The following SDK1 variants were observed in gnomAD, a reference collection of about 807,000 sequenced individuals.
The protein encoded by SDK1 is sidekick cell adhesion molecule 1, also known as protein sidekick-1.
A neutral mutation model predicts 245.5 loss-of-function variants in SDK1; 157 were observed. The observed-to-expected ratio is 0.64, with a 90% CI of 0.56 to 0.73. The LOEUF is 0.73. SDK1 is among the 30% of genes least tolerant of loss of function. The probability of loss-of-function intolerance (pLI) is 0.00; values close to 1 mark genes in which losing one functional copy is unlikely to be tolerated. For missense variants in SDK1, 3,583 were observed against 3,002.3 expected (o/e 1.19, Z -4.52); for synonymous variants, 1,647 against 1,278.5 (o/e 1.29, Z -6.15).
chr7:3,411,860 T>TA (rs1779217993), intron 1 of SDK1, among the ~76,000 whole-genome samples: 1 of 152,158 alleles, frequency 6.6e-6, no homozygotes, highest in Non-Finnish European at 1.5e-5. Flanking sequence ...GTTCACTAGG[T>TA]ATGAACCCAT....
At chr7:3,544,680 A>T (rs73303089) in intron 1 of SDK1, among the ~76,000 whole-genome samples, 2,188 of 152,316 alleles carry the variant, frequency 0.014, 41 homozygotes, top group African/African-American at 0.042. Context: ...CATTCTGAAA[A>T]CATCAGGAAA....
At chr7:4,147,973 C>A (rs1473646323) in intron 29 of SDK1, among the ~76,000 whole-genome samples, 1 of 152,062 alleles carries the variant, frequency 6.6e-6, no homozygotes, top group Non-Finnish European at 1.5e-5. Context: ...ACAGCCCCGC[C>A]CCACAGTCCC....
At chr7:3,899,303 C>A (rs975937927) in intron 5 of SDK1, among the ~76,000 whole-genome samples, 1 of 152,146 alleles carries the variant, frequency 6.6e-6, no homozygotes, top group African/African-American at 2.4e-5. Context: ...CTGTCCTTGC[C>A]CCTCCTTGGC....
At chr7:3,482,369 C>A (rs1163178075) in intron 1 of SDK1, among the ~76,000 whole-genome samples, 1 of 152,042 alleles carries the variant, frequency 6.6e-6, no homozygotes, top group Non-Finnish European at 1.5e-5. Context: ...ACTCAAGGGC[C>A]GGGAGTGTCT....
rs578196376 is a variant in SDK1, at chr7:4,222,792, A to G, written c.5827+1428A>G. Among the ~76,000 whole-genome samples the G allele has an allele frequency of 2.0e-5, 3 of 152,296 alleles. 1 individual carries two copies. Among genetic ancestry groups the G allele is most frequent in the African/African-American group, 7.2e-5 (3 of 41,560 alleles). Reference sequence around the variant, plus strand: ...AGTTGGTAAAGGATGTGAGTTTGGCAGGGGCCTCCTGTGGTCACTGCCTGT... The same window carrying G: ...AGTTGGTAAAGGATGTGAGTTTGGCGGGGGCCTCCTGTGGTCACTGCCTGT... On this transcript the variant is annotated intron_variant, in intron 40 of 44. Coordinates refer to ENST00000404826, the MANE Select transcript of SDK1 (RefSeq NM_152744.4).
intron 4 of SDK1, among the ~76,000 whole-genome samples, chr7:3,782,546 A>G (rs748032078): frequency 2.6e-5 from 4 of 152,190 alleles, no homozygotes; most frequent in Non-Finnish European, 4.4e-5. Context: ...ATCAAAGACA[A>G]AAATTCCGAG....
chr7:3,608,999 C>T (rs1374576719), intron 1 of SDK1, among the ~76,000 whole-genome samples: 2 of 151,966 alleles, frequency 1.3e-5, no homozygotes, highest in Admixed American at 6.6e-5. Flanking sequence ...ATCTAGTTGT[C>T]CTTTATTAAG....
chr7:4,221,708 A>G lies in SDK1; in HGVS notation c.5827+344A>G, dbSNP rs113615842. Among the ~76,000 whole-genome samples, 146 of 152,320 alleles carry G rather than the reference A, an allele frequency of 9.6e-4. 2 individuals are homozygous for G. Among genetic ancestry groups the G allele is most frequent in the African/African-American group, 3.4e-3 (141 of 41,566 alleles). ...CATCCATGAATGTTTTCAGGGACTC[A>G]TGTCAGGGTTCTAAATGTTTGCTGC... On this transcript the variant is annotated intron_variant, in intron 40 of 44. Coordinates refer to ENST00000404826, the MANE Select transcript of SDK1 (RefSeq NM_152744.4).
At position 4,067,827 on chromosome 7, in the gene SDK1, T is replaced by G. The variant is rs1562758988; in HGVS notation, c.2912-11T>G. On this transcript the variant is annotated splice_polypyrimidine_tract_variant and intron_variant, in intron 19 of 44. Transcript: ENST00000404826. ...ATTGTGTTAACAGATGACTTTGCTT[T>G]TAATTGGTAGAACCAGGAGCTGTGG... is the stretch of plus-strand genomic sequence containing the variant. The G allele has an allele frequency of 6.2e-7, 1 of 1,606,290 alleles. No homozygotes were observed. The highest frequency in any genetic ancestry group is 1.7e-5 in the Admixed American group (1 of 59,342).
At chr7:3,818,707 A>G (rs540824241) in intron 4 of SDK1, among the ~76,000 whole-genome samples, 16 of 152,350 alleles carry the variant, frequency 1.1e-4, no homozygotes, top group African/African-American at 3.8e-4. Flanking sequence ...CCCAGACAGG[A>G]CAGGCTGCTG....
In SDK1 at chr7:3,662,807, G is replaced by T. The variant is rs559769816; in HGVS notation, c.713+20702G>T. On this transcript the variant is annotated intron_variant, in intron 4 of 44. Coordinates refer to ENST00000404826, the MANE Select transcript of SDK1 (RefSeq NM_152744.4). ...AAAGCTTTTTGAACATCAACATGAT[G>T]CTCAAAGGAAGTGCTCATTGAAGCA... 2.5e-3 allele frequency among the ~76,000 whole-genome samples: 375 copies of T among 152,242 alleles called. 3 individuals carry two copies. Among genetic ancestry groups the T allele is most frequent in the South Asian group, 0.018 (86 of 4,820 alleles).
intron 1 of SDK1, among the ~76,000 whole-genome samples, chr7:3,541,850 C>G (rs1319342271): frequency 3.3e-5 from 5 of 152,076 alleles, no homozygotes; most frequent in Admixed American, 6.6e-5. Context: ...TATTAAGGAG[C>G]TAAATGCCCT....
At chr7:3,617,691 G>A (rs1781811623) in intron 1 of SDK1, among the ~76,000 whole-genome samples, 1 of 152,150 alleles carries the variant, frequency 6.6e-6, no homozygotes, top group South Asian at 2.1e-4. Flanking sequence ...CAGAGGATGG[G>A]GGCCCAACTT....
chr7:3,312,621 T>C (rs906385860), intron 1 of SDK1, among the ~76,000 whole-genome samples: 2 of 150,692 alleles, frequency 1.3e-5, no homozygotes, highest in Non-Finnish European at 1.5e-5. Context: ...GCCAGGTAGA[T>C]ATAATTGAAG....
At chr7:3,980,339 G>A (rs763237230) in intron 13 of SDK1, among the ~76,000 whole-genome samples, 1 of 152,188 alleles carries the variant, frequency 6.6e-6, no homozygotes, top group Non-Finnish European at 1.5e-5. Flanking sequence ...GAGGTGTCCT[G>A]TGCCTGACGG....
At chr7:4,175,057 C>A (rs1782106822) in intron 33 of SDK1, among the ~76,000 whole-genome samples, 1 of 152,258 alleles carries the variant, frequency 6.6e-6, no homozygotes, top group Non-Finnish European at 1.5e-5. Context: ...TTTCTGCCAT[C>A]CCTGTGGCAC....
intron 19 of SDK1, among the ~76,000 whole-genome samples, chr7:4,058,001 G>T (rs1395111134): frequency 6.6e-6 from 1 of 152,048 alleles, no homozygotes; most frequent in Non-Finnish European, 1.5e-5. Flanking sequence ...ATATGAAAAT[G>T]CAAGGAAGTA....
chr7:4,255,745 A>G (rs927310294), intron 44 of SDK1, among the ~76,000 whole-genome samples: 1 of 152,106 alleles, frequency 6.6e-6, no homozygotes, highest in Non-Finnish European at 1.5e-5. Context: ...TTGTTGCCAC[A>G]TCTGCCCAGG....
intron 33 of SDK1, among the ~76,000 whole-genome samples, chr7:4,175,451 G>A (rs1001478439): frequency 5.3e-5 from 8 of 152,228 alleles, no homozygotes; most frequent in African/African-American, 1.9e-4. Flanking sequence ...CTGCCCCGGG[G>A]TGACCGGGAG....
Sources: gnomAD v4.1 joint callset for allele counts (sites outside exome capture counted in the v4.1 genomes callset) on GRCh38, gnomAD v4.1.1 for gene constraint, MANE v1.5 for transcripts, NCBI Gene and HGNC (gene_info 2026-07-23, HGNC 2026-07-21) for gene names.